AUTS2: variants seen among roughly 807,000 people sequenced by gnomAD.
AUTS2 encodes activator of transcription and developmental regulator AUTS2, also known as autism susceptibility gene 2 protein.
AUTS2 carries 17 observed loss-of-function variants against 112.4 expected under a neutral mutation model. The observed-to-expected ratio is 0.15, with a 90% CI of 0.10 to 0.23. AUTS2 has a LOEUF of 0.23. Ranked by LOEUF, AUTS2 falls within the 10% of genes least tolerant of loss-of-function variation. The pLI is 1.00. For synonymous variants in AUTS2, 751 were observed against 702.7 expected, an observed-to-expected ratio of 1.07 and a Z score of -1.09; for missense variants, 1,510 against 1,701.6, an observed-to-expected ratio of 0.89 and a Z score of 1.98.
At chr7:70,626,511 A>T (rs547165603) in intron 5 of AUTS2, among the ~76,000 whole-genome samples, 1 of 151,896 alleles carries the variant, frequency 6.6e-6, no homozygotes, top group South Asian at 2.1e-4. Context: ...CTCACTTTTT[A>T]AAAAATTTCC....
At chr7:70,324,632 A>T (rs949902317) in intron 4 of AUTS2, among the ~76,000 whole-genome samples, 2 of 152,196 alleles carry the variant, frequency 1.3e-5, no homozygotes, top group African/African-American at 4.8e-5. Flanking sequence ...CTCAAAAAAA[A>T]TAATAATTAC....
chr7:70,191,272 A>G (rs373962992), intron 4 of AUTS2, among the ~76,000 whole-genome samples: 82 of 142,228 alleles, frequency 5.8e-4, no homozygotes, highest in African/African-American at 2.1e-3. Flanking sequence ...GGTTTACACC[A>G]TTCTCCCACC....
intron 1 of AUTS2, among the ~76,000 whole-genome samples, chr7:69,765,131 A>T (rs1053291088): frequency 6.6e-6 from 1 of 152,182 alleles, no homozygotes; most frequent in Non-Finnish European, 1.5e-5. Context: ...GTTGGTAGTT[A>T]TATTGTCTTC....
rs1321424168 is a variant in AUTS2 at position 70,764,848 on chromosome 7, C to T, written c.1311C>T (p.Asn437=). The T allele has an allele frequency of 7.0e-7, 1 of 1,419,150 alleles. No homozygotes were observed. The highest frequency in any genetic ancestry group is 1.8e-4 in the Middle Eastern group (1 of 5,672). 87.9% of individuals were successfully genotyped at this position (1,419,150 alleles called of 1,614,324 possible). ...SASPFPLSLP[N]HSPLHSFTPT... Reference sequence around the variant, plus strand: ...CCCCGTTCCCCCTCTCCCTGCCCAACCACAGCCCCCTGCACAGCTTCACAC... The same window carrying T: ...CCCCGTTCCCCCTCTCCCTGCCCAATCACAGCCCCCTGCACAGCTTCACAC... Residue 437 remains asparagine, a synonymous_variant, in exon 8 of 19, where the codon AAC becomes AAT. Coordinates refer to ENST00000342771, the MANE Select transcript of AUTS2 (RefSeq NM_015570.4).
At chr7:70,714,485 A>G (rs1810246007) in intron 6 of AUTS2, among the ~76,000 whole-genome samples, 2 of 152,206 alleles carry the variant, frequency 1.3e-5, no homozygotes, top group African/African-American at 4.8e-5. Flanking sequence ...CCTCAGTGTC[A>G]TCTGAGGAAT....
intron 1 of AUTS2, among the ~76,000 whole-genome samples, chr7:69,659,102 A>G (rs1795672012): frequency 6.6e-6 from 1 of 152,220 alleles, no homozygotes; most frequent in African/African-American, 2.4e-5. Context: ...AGTGTCTTTA[A>G]AATGACCAGT....
At chr7:70,487,630 G>A (rs17490196) in intron 5 of AUTS2, among the ~76,000 whole-genome samples, 3,349 of 152,310 alleles carry the variant, frequency 0.022, 58 homozygotes, top group Middle Eastern at 0.061. Context: ...GATGAGAGTG[G>A]AAGTGCGCAT....
intron 4 of AUTS2, among the ~76,000 whole-genome samples, chr7:70,337,363 G>A (rs991238752): frequency 2.6e-5 from 4 of 152,206 alleles, no homozygotes; most frequent in East Asian, 1.9e-4. Flanking sequence ...GTAAGGCTCC[G>A]AGCTGACTAT....
In AUTS2 at chr7:69,699,726, C is replaced by A. The variant is rs957714699; in HGVS notation, c.309+99764C>A. ...GTGGCACAATCTCGGCTCACTGCAA[C>A]CTCTGCCTCTCAGGTTCAAGCAATT... On this transcript the variant is annotated intron_variant, in intron 1 of 18. Coordinates refer to ENST00000342771, the MANE Select transcript of AUTS2 (RefSeq NM_015570.4). 2.7e-5 allele frequency among the ~76,000 whole-genome samples: 4 copies of A among 149,340 alleles called. No homozygotes were observed. In the South Asian group the frequency reaches 8.6e-4, roughly 32 times the overall value.
chr7:70,334,303 T>C lies in AUTS2; in HGVS notation c.661-101449T>C, dbSNP rs573748005. 4.2e-4 allele frequency among the ~76,000 whole-genome samples: 64 copies of C among 152,238 alleles called. 1 individual carries two copies. Among genetic ancestry groups the C allele is most frequent in the African/African-American group, 1.3e-3 (56 of 41,540 alleles). On this transcript the variant is annotated intron_variant, in intron 4 of 18. Coordinates refer to ENST00000342771, the MANE Select transcript of AUTS2 (RefSeq NM_015570.4). ...TGTGAGTATTTCCAGCATGAATGGGTGTTGAATTTTGTCAAAGGCTTTCTT... is the reference window on the plus strand; with the variant it reads ...TGTGAGTATTTCCAGCATGAATGGGCGTTGAATTTTGTCAAAGGCTTTCTT...
At chr7:69,794,707 C>G (rs944179464) in intron 1 of AUTS2, among the ~76,000 whole-genome samples, 1 of 151,988 alleles carries the variant, frequency 6.6e-6, no homozygotes, top group Non-Finnish European at 1.5e-5. Flanking sequence ...CACTCAATTA[C>G]GCAGGGCTCT....
chr7:70,538,604 G>A (rs957730141), intron 5 of AUTS2, among the ~76,000 whole-genome samples: 5 of 152,182 alleles, frequency 3.3e-5, no homozygotes, highest in African/African-American at 1.2e-4. Context: ...TTTAATATCA[G>A]GAGGAAGCGT....
In AUTS2 at chr7:69,834,372, C is replaced by G. The variant is rs1791630068; in HGVS notation, c.310-64914C>G. On this transcript the variant is annotated intron_variant, in intron 1 of 18. Transcript: ENST00000342771. ...TCTGTTTTAGATGGTGTTCCTCACT[C>G]TGCCTTCTTCACCTGAATAAAGGAA... Among the ~76,000 whole-genome samples the G allele has an allele frequency of 2.6e-5, 4 of 152,230 alleles. No homozygotes were observed. In the South Asian group the frequency reaches 8.3e-4, roughly 32 times the overall value.
chr7:69,901,884 A>G (rs1490627377), intron 2 of AUTS2, among the ~76,000 whole-genome samples: 1 of 152,148 alleles, frequency 6.6e-6, no homozygotes, highest in East Asian at 1.9e-4. Flanking sequence ...CCATCTGGAA[A>G]ATGAAGGGCT....
intron 5 of AUTS2, among the ~76,000 whole-genome samples, chr7:70,524,357 G>A (rs985488758): frequency 3.9e-5 from 6 of 152,204 alleles, no homozygotes; most frequent in Admixed American, 3.3e-4. Flanking sequence ...TAGTTGGTCA[G>A]GTATGTGTAT....
intron 2 of AUTS2, among the ~76,000 whole-genome samples, chr7:70,044,671 A>G (rs778141301): frequency 1.3e-4 from 20 of 152,214 alleles, no homozygotes; most frequent in Non-Finnish European, 2.2e-4. Flanking sequence ...TTTGCTATCC[A>G]TGGGAGACCC....
At chr7:70,469,224 T>G (rs1159286812) in intron 5 of AUTS2, among the ~76,000 whole-genome samples, 1 of 152,094 alleles carries the variant, frequency 6.6e-6, no homozygotes, top group Non-Finnish European at 1.5e-5. Context: ...TGAAGAAATG[T>G]GTGTGGTGTC....
chr7:70,472,435 C>T (rs1466945866), intron 5 of AUTS2, among the ~76,000 whole-genome samples: 1 of 150,690 alleles, frequency 6.6e-6, no homozygotes, highest in Non-Finnish European at 1.5e-5. Flanking sequence ...CTCTAATGAG[C>T]TTTCTAAAGC....
chr7:69,889,246 T>C (rs1794414458), intron 1 of AUTS2, among the ~76,000 whole-genome samples: 1 of 152,206 alleles, frequency 6.6e-6, no homozygotes, highest in South Asian at 2.1e-4. Flanking sequence ...CTCTACTCTG[T>C]TCTCTGCTAG....
Sources: gnomAD v4.1 joint callset for allele counts (sites outside exome capture counted in the v4.1 genomes callset) on GRCh38, gnomAD v4.1.1 for gene constraint, MANE v1.5 for transcripts, NCBI Gene and HGNC (gene_info 2026-07-23, HGNC 2026-07-21) for gene names.